UBXN2A: variants seen among roughly 807,000 people sequenced by gnomAD.
The protein encoded by UBXN2A is UBX domain-containing protein 2A.
UBXN2A carries 28 observed loss-of-function variants against 28.4 expected under a neutral mutation model. The ratio of observed to expected loss-of-function variants is 0.99; its 90% CI spans 0.73 to 1.35. The LOEUF (loss-of-function observed/expected upper bound fraction) is 1.35, where lower values mean the gene tolerates loss of function less well. Ranked by LOEUF, UBXN2A falls within the 40% of genes most tolerant of loss-of-function variation. The pLI is 0.00. For missense variants in UBXN2A, 253 were observed against 297.9 expected, an observed-to-expected ratio of 0.85 and a Z score of 1.11; for synonymous variants, 97 against 103.6, an observed-to-expected ratio of 0.94 and a Z score of 0.39.
chr2:23,941,428 A>G (rs571785941), intron 1 of UBXN2A, among the ~76,000 whole-genome samples: 7 of 152,208 alleles, frequency 4.6e-5, no homozygotes, highest in Non-Finnish European at 1.0e-4. Context: ...AATACAGAGT[A>G]TCTTTTTATA....
intron 2 of UBXN2A, among the ~76,000 whole-genome samples, chr2:23,961,263 T>G (rs1197985098): frequency 1.3e-5 from 2 of 151,398 alleles, no homozygotes; most frequent in East Asian, 3.9e-4. Flanking sequence ...GCCTGGCTAA[T>G]TTTTGTATTT....
intron 3 of UBXN2A, among the ~76,000 whole-genome samples, chr2:23,974,161 A>G (rs1290688142): frequency 6.9e-6 from 1 of 144,636 alleles, no homozygotes; most frequent in Non-Finnish European, 1.5e-5. Context: ...ACTACAGGTG[A>G]CCACCACCAC....
rs1558284609 is a variant in UBXN2A, at chr2:23,953,048, A to G, written c.-14-5253A>G. On this transcript the variant is annotated intron_variant, in intron 1 of 6. Transcript: ENST00000309033. ...GTCATTAGTTTAAATGTGGATACACATTGCTTTTCACAGCTTCAAATTTAT... is the reference window on the plus strand; with the variant it reads ...GTCATTAGTTTAAATGTGGATACACGTTGCTTTTCACAGCTTCAAATTTAT... 5.3e-5 allele frequency among the ~76,000 whole-genome samples: 8 copies of G among 151,572 alleles called. No homozygotes were observed. The South Asian group carries it at 1.5e-3, about 28-fold the overall frequency.
intron 5 of UBXN2A, among the ~76,000 whole-genome samples, chr2:23,984,108 C>T (rs1306268337): frequency 6.6e-6 from 1 of 152,132 alleles, no homozygotes; most frequent in Admixed American, 6.5e-5. Flanking sequence ...TTACAGTTTC[C>T]ATCCTATCTA....
At chr2:23,982,523 C>T (rs1222417447) in intron 4 of UBXN2A, among the ~76,000 whole-genome samples, 1 of 151,772 alleles carries the variant, frequency 6.6e-6, no homozygotes, top group Admixed American at 6.6e-5. Context: ...GGTTGGGGGG[C>T]AGTGGTTCAC....
chr2:23,963,039 G>A (rs927714820), intron 2 of UBXN2A, among the ~76,000 whole-genome samples: 4 of 152,142 alleles, frequency 2.6e-5, no homozygotes, highest in Non-Finnish European at 5.9e-5. Context: ...GTTTGTGCAG[G>A]GGAACTCCTC....
upstream of UBXN2A, among the ~76,000 whole-genome samples, chr2:23,939,227 G>A (rs777211962): frequency 1.3e-4 from 20 of 152,160 alleles, no homozygotes; most frequent in Non-Finnish European, 1.9e-4. Context: ...GCAATTGGGA[G>A]AATGCTGGAC....
rs926723134 is a variant in UBXN2A at position 24,003,929 on chromosome 2, T to G, written c.*4062T>G. The G allele has an allele frequency of 3.9e-5, 6 of 152,184 alleles. No homozygotes were observed. Among genetic ancestry groups the G allele is most frequent in the Non-Finnish European group, 4.4e-5 (3 of 68,042 alleles). The allele number at this position is 152,184 out of a possible 1,614,324, so 9.4% of individuals were successfully genotyped here. On this transcript the variant is annotated 3_prime_UTR_variant, in exon 7 of 7. Transcript: ENST00000309033. ...GGTCTCTCATTGAGAATGTTTCCTGTGTACCTATAGAAAAGCCTCTTTGGT... is the reference window on the plus strand; with the variant it reads ...GGTCTCTCATTGAGAATGTTTCCTGGGTACCTATAGAAAAGCCTCTTTGGT...
At chr2:23,977,657 C>CA (rs988804362) in intron 4 of UBXN2A, among the ~76,000 whole-genome samples, 18 of 151,422 alleles carry the variant, frequency 1.2e-4, no homozygotes, top group Admixed American at 5.3e-4. Context: ...CAAAGCAAAA[C>CA]AAAAAAAACA....
At chr2:23,964,108 C>T (rs1368728672) in intron 2 of UBXN2A, among the ~76,000 whole-genome samples, 1 of 147,540 alleles carries the variant, frequency 6.8e-6, no homozygotes, top group Non-Finnish European at 1.5e-5. Flanking sequence ...CTTCTCCATT[C>T]TGGGTGACAG....
chr2:23,970,817 C>G (rs980295751), intron 2 of UBXN2A, among the ~76,000 whole-genome samples: 1 of 151,836 alleles, frequency 6.6e-6, no homozygotes, highest in Non-Finnish European at 1.5e-5. Context: ...AACCTATATC[C>G]CTTGGATGCT....
Position 23,971,280 on chromosome 2 carries a change from T to G in UBXN2A, c.46T>G (p.Cys16Gly). 2 of 1,554,790 alleles carry G rather than the reference T, an allele frequency of 1.3e-6. No homozygotes were observed. The highest frequency in any genetic ancestry group is 2.5e-5 in the South Asian group (2 of 81,184). Residue 16 changes from cysteine to glycine, a missense_variant, in exon 3 of 7, where the codon TGT becomes GGT. Cys to Gly is a radical substitution (Grantham distance 159). Coordinates refer to ENST00000309033, the MANE Select transcript of UBXN2A (RefSeq NM_181713.4). ...NLKSIKEEWV[C>G]ETGSDNQPLG... Reference sequence around the variant, plus strand: ...GTTTTTCTTTATCTTGTTTAGGGTTTGTGAAACAGGATCTGATAATCAACC... The same window carrying G: ...GTTTTTCTTTATCTTGTTTAGGGTTGGTGAAACAGGATCTGATAATCAACC...
chr2:23,965,159 G>T (rs1707110151), intron 2 of UBXN2A, among the ~76,000 whole-genome samples: 1 of 152,118 alleles, frequency 6.6e-6, no homozygotes, highest in African/African-American at 2.4e-5. Context: ...GGGATAATAG[G>T]CATGAGCCAC....
intron 1 of UBXN2A, among the ~76,000 whole-genome samples, chr2:23,935,200 A>G (rs891899101): frequency 2.0e-5 from 3 of 152,238 alleles, no homozygotes; most frequent in African/African-American, 7.2e-5. Flanking sequence ...ATATGACACC[A>G]AAAGTACAGG....
In UBXN2A at chr2:23,968,445, G is replaced by A. The variant is rs187927684; in HGVS notation, c.42-2831G>A. 9.7e-3 allele frequency among the ~76,000 whole-genome samples: 1,479 copies of A among 152,218 alleles called. 10 individuals are homozygous for A. Among genetic ancestry groups the A allele is most frequent in the Non-Finnish European group, 0.015 (1,044 of 68,016 alleles). The stretch of plus-strand genomic sequence containing the variant: ...TAATCCCAGCACTTCGGGAGGCTGA[G>A]GCAGGCGGATCACGAGGTCAGATCG... On this transcript the variant is annotated intron_variant, in intron 2 of 6. Coordinates refer to ENST00000309033, the MANE Select transcript of UBXN2A (RefSeq NM_181713.4).
intron 2 of UBXN2A, among the ~76,000 whole-genome samples, chr2:23,958,588 C>T (rs529015355): frequency 3.3e-5 from 5 of 152,088 alleles, no homozygotes; most frequent in East Asian, 3.8e-4. Flanking sequence ...TGTGTTCATA[C>T]ATTACTTCTG....
In UBXN2A at chr2:23,971,426, T is replaced by C. The variant is rs1356258072; in HGVS notation, c.180+12T>C. On this transcript the variant is annotated intron_variant, in intron 3 of 6. Transcript: ENST00000309033. Reference sequence around the variant, plus strand: ...AACAGAAGAAACAGGTAAATAAATGTCTATTACTTTTCTTTTTCTTTCAGT... The same window carrying C: ...AACAGAAGAAACAGGTAAATAAATGCCTATTACTTTTCTTTTTCTTTCAGT... The C allele has an allele frequency of 2.6e-6, 4 of 1,518,128 alleles. No individual in the cohort carries two copies. The Admixed American group carries it at 7.6e-5, about 29-fold the overall frequency. The allele number at this position is 1,518,128 out of a possible 1,614,324, so 94.0% of individuals were successfully genotyped here.
chr2:23,962,608 T>C (rs573236775), intron 2 of UBXN2A, among the ~76,000 whole-genome samples: 1 of 148,700 alleles, frequency 6.7e-6, no homozygotes, highest in South Asian at 2.1e-4. Flanking sequence ...TTTTATTCTT[T>C]TTTTTTTTTT....
chr2:23,929,718 A>AT (rs561866554), intron 1 of UBXN2A, among the ~76,000 whole-genome samples: 229 of 152,160 alleles, frequency 1.5e-3, no homozygotes, highest in Admixed American at 2.5e-3. Flanking sequence ...ATCTCAAAAA[A>AT]AAATAAATAA....
Sources: allele counts gnomAD v4.1 joint callset (sites outside exome capture counted in the v4.1 genomes callset), GRCh38; gene constraint gnomAD v4.1.1; transcripts MANE v1.5; gene names NCBI Gene and HGNC (gene_info 2026-07-23, HGNC 2026-07-21).